The following TENM2 variants were observed in gnomAD, a reference collection of about 807,000 sequenced individuals.
TENM2 encodes teneurin-2.
A neutral mutation model predicts 245.2 loss-of-function variants in TENM2; 52 were observed. That is an observed-to-expected ratio of 0.21 (90% CI 0.17 to 0.27). TENM2 has a LOEUF of 0.27. Among genes scored for constraint, TENM2 ranks in the 10% least tolerant of loss-of-function variants. The pLI, the probability that TENM2 is intolerant of heterozygous loss-of-function variation, is 1.00. For synonymous variants in TENM2, 1,363 were observed against 1,438.9 expected (o/e 0.95, Z 1.19); for missense variants, 3,046 against 3,666.8 (o/e 0.83, Z 4.37).
At chr5:168,156,256 A>AAAAAAC (rs1554210148) in intron 12 of TENM2, among the ~76,000 whole-genome samples, 2,195 of 149,608 alleles carry the variant, frequency 0.015, 97 homozygotes, top group African/African-American at 0.051. Context: ...TTAAAAAAAA[A>AAAAAAC]AAAAAAAAAA....
the TENM2 span, among the ~76,000 whole-genome samples, chr5:167,056,239 G>A: frequency 1.3e-5 from 2 of 151,574 alleles, no homozygotes; most frequent in East Asian, 1.9e-4. Flanking sequence ...TTTCTTACAA[G>A]GCAGTTATAC....
intron 2 of TENM2, among the ~76,000 whole-genome samples, chr5:167,558,768 T>A (rs1470377111): frequency 6.6e-6 from 1 of 152,090 alleles, no homozygotes; most frequent in Non-Finnish European, 1.5e-5. Flanking sequence ...TGTAATGTGC[T>A]TTAGTCATCC....
At chr5:168,103,708 G>C (rs1794006464) in intron 9 of TENM2, among the ~76,000 whole-genome samples, 1 of 152,134 alleles carries the variant, frequency 6.6e-6, no homozygotes, top group African/African-American at 2.4e-5. Context: ...AAGTGAGTAT[G>C]TGTGTGTGTG....
At chr5:167,029,125 A>T in the TENM2 span, among the ~76,000 whole-genome samples, 6 of 152,186 alleles carry the variant, frequency 3.9e-5, no homozygotes, top group Non-Finnish European at 7.3e-5. Flanking sequence ...ATTTCAAGCA[A>T]ACCAAGTCAT....
intron 2 of TENM2, among the ~76,000 whole-genome samples, chr5:167,506,745 T>G (rs1769580548): frequency 6.6e-6 from 1 of 152,198 alleles, no homozygotes; most frequent in African/African-American, 2.4e-5. Flanking sequence ...CTTCATTGAA[T>G]TCTTGTTTAA....
At chr5:168,182,938 C>A (rs1760050799) in intron 13 of TENM2, among the ~76,000 whole-genome samples, 1 of 147,700 alleles carries the variant, frequency 6.8e-6, no homozygotes, top group African/African-American at 2.5e-5. Context: ...TCAAGCGATT[C>A]TTCTGCCTCA....
At chr5:167,762,027 G>A (rs563636937) in intron 2 of TENM2, among the ~76,000 whole-genome samples, 1 of 152,168 alleles carries the variant, frequency 6.6e-6, no homozygotes, top group Admixed American at 6.5e-5. Flanking sequence ...ATGCAGAAGC[G>A]CTGCCTGACT....
chr5:167,978,605 G>A (rs1782609398), intron 4 of TENM2, among the ~76,000 whole-genome samples: 1 of 152,056 alleles, frequency 6.6e-6, no homozygotes, highest in South Asian at 2.1e-4. Flanking sequence ...ATTAGTGGTT[G>A]CCAGGAGCTG....
the TENM2 span, among the ~76,000 whole-genome samples, chr5:167,029,072 A>G: frequency 6.6e-6 from 1 of 152,204 alleles, no homozygotes; most frequent in Non-Finnish European, 1.5e-5. Flanking sequence ...TCAGCAGTCT[A>G]ATTTGATCAG....
At chr5:167,705,730 CATT>C (rs1204905742) in intron 2 of TENM2, among the ~76,000 whole-genome samples, 4 of 151,954 alleles carry the variant, frequency 2.6e-5, no homozygotes, top group Non-Finnish European at 5.9e-5. Flanking sequence ...CAAGTTTCAT[CATT>C]GACACTTCCT....
At chr5:168,010,138 A>G (rs1785117656) in intron 5 of TENM2, among the ~76,000 whole-genome samples, 1 of 152,244 alleles carries the variant, frequency 6.6e-6, no homozygotes, top group African/African-American at 2.4e-5. Flanking sequence ...TCTATAGTTC[A>G]ACATACATAT....
At chr5:167,320,360 A>G (rs9313373) in intron 1 of TENM2, among the ~76,000 whole-genome samples, 2,527 of 152,332 alleles carry the variant, frequency 0.017, 80 homozygotes, top group African/African-American at 0.058. Context: ...AGGACCCAAA[A>G]GAAGAAATGG....
At chr5:167,412,268 G>C (rs992372586) in intron 2 of TENM2, among the ~76,000 whole-genome samples, 1 of 151,798 alleles carries the variant, frequency 6.6e-6, no homozygotes, top group East Asian at 1.9e-4. Flanking sequence ...CAGAAAGTGG[G>C]GTCCCAGGAG....
intron 13 of TENM2, among the ~76,000 whole-genome samples, chr5:168,171,793 T>A (rs1484270539): frequency 6.6e-6 from 1 of 152,220 alleles, no homozygotes; most frequent in African/African-American, 2.4e-5. Flanking sequence ...TAAATCACTA[T>A]GGACTTATTT....
At chr5:167,872,473 A>T (rs67007847) in intron 2 of TENM2, among the ~76,000 whole-genome samples, 3 of 125,628 alleles carry the variant, frequency 2.4e-5, no homozygotes, top group Non-Finnish European at 5.1e-5. Context: ...AAAGAAAGAA[A>T]GAAAGAAAGA....
At chr5:167,727,108 T>TTTC (rs1554106388) in intron 2 of TENM2, among the ~76,000 whole-genome samples, 1 of 121,914 alleles carries the variant, frequency 8.2e-6, no homozygotes, top group African/African-American at 4.0e-5. Context: ...TAATTTCTTT[T>TTTC]TTTTTTTTTT....
the TENM2 span, among the ~76,000 whole-genome samples, chr5:167,235,675 A>G: frequency 2.0e-5 from 3 of 149,414 alleles, no homozygotes; most frequent in Admixed American, 1.3e-4. Flanking sequence ...ATGGCTGCCA[A>G]TTCTCTAAAC....
At chr5:167,455,180 G>A (rs1000519210) in intron 2 of TENM2, among the ~76,000 whole-genome samples, 18 of 151,968 alleles carry the variant, frequency 1.2e-4, no homozygotes, top group Non-Finnish European at 7.4e-5. Flanking sequence ...TCTTTATTTT[G>A]AGAAGCAGGA....
At chr5:167,460,579 T>C (rs1319350301) in intron 2 of TENM2, among the ~76,000 whole-genome samples, 2 of 148,818 alleles carry the variant, frequency 1.3e-5, no homozygotes, top group Non-Finnish European at 3.0e-5. Context: ...GTCACTGATA[T>C]TTTTAGAAAT....
Sources: allele counts gnomAD v4.1 joint callset (sites outside exome capture counted in the v4.1 genomes callset), GRCh38; gene constraint gnomAD v4.1.1; transcripts MANE v1.5; gene names NCBI Gene and HGNC (gene_info 2026-07-23, HGNC 2026-07-21).